Variants in NDUFAF2 observed in about 807,000 individuals in gnomAD.
NDUFAF2 encodes NADH:ubiquinone oxidoreductase complex assembly factor 2.
NDUFAF2 carries 13 observed loss-of-function variants against 22.8 expected under a neutral mutation model. That is an observed-to-expected ratio of 0.57 (90% confidence interval 0.37 to 0.91). The LOEUF (loss-of-function observed/expected upper bound fraction) is 0.91. Among genes scored for constraint, NDUFAF2 ranks in the 40% least tolerant of loss-of-function variants. NDUFAF2 has a pLI of 0.01. For missense variants in NDUFAF2, 162 were observed against 195.2 expected (o/e 0.83, Z 1.01); for synonymous variants, 53 against 64.2 (o/e 0.83, Z 0.84).
At chr5:60,961,245 A>C (rs1465847283) in intron 1 of NDUFAF2, among the ~76,000 whole-genome samples, 3 of 150,042 alleles carry the variant, frequency 2.0e-5, no homozygotes, top group African/African-American at 4.9e-5. Flanking sequence ...GCATCACCTG[A>C]GGTCAGGAGT....
chr5:61,141,199 C>T (rs556422943), intron 3 of NDUFAF2, among the ~76,000 whole-genome samples: 6 of 150,244 alleles, frequency 4.0e-5, no homozygotes, highest in South Asian at 2.1e-4. Context: ...TGCACTCCAG[C>T]CTGGGCAAAA....
At chr5:61,044,475 T>G (rs1167225337) in intron 1 of NDUFAF2, among the ~76,000 whole-genome samples, 1 of 152,170 alleles carries the variant, frequency 6.6e-6, no homozygotes, top group Non-Finnish European at 1.5e-5. Context: ...ATTTTTACCA[T>G]TTAGGTCTTA....
intron 1 of NDUFAF2, among the ~76,000 whole-genome samples, chr5:60,984,364 C>T (rs906569596): frequency 1.3e-5 from 2 of 152,080 alleles, no homozygotes; most frequent in Admixed American, 1.3e-4. Flanking sequence ...TTGACTTCCT[C>T]TTTTCCTAAT....
chr5:60,962,909 A>C (rs952517095), intron 1 of NDUFAF2, among the ~76,000 whole-genome samples: 5 of 151,932 alleles, frequency 3.3e-5, no homozygotes, highest in African/African-American at 1.2e-4. Context: ...TTTTTGAGAC[A>C]GAGTCCTGCT....
At chr5:61,120,842 G>A (rs1035437406) in intron 3 of NDUFAF2, among the ~76,000 whole-genome samples, 2 of 152,028 alleles carry the variant, frequency 1.3e-5, no homozygotes, top group African/African-American at 4.8e-5. Context: ...GTGTTTTTTG[G>A]TTTATTTTTT....
At chr5:61,092,200 G>C (rs1752576990) in intron 2 of NDUFAF2, among the ~76,000 whole-genome samples, 1 of 152,000 alleles carries the variant, frequency 6.6e-6, no homozygotes, top group Admixed American at 6.6e-5. Flanking sequence ...GGCTATTCAG[G>C]CTCTTTTTTG....
chr5:61,027,694 A>T (rs577709788), intron 1 of NDUFAF2, among the ~76,000 whole-genome samples: 36 of 151,914 alleles, frequency 2.4e-4, no homozygotes, highest in Admixed American at 4.6e-4. Flanking sequence ...CCCACTTGAG[A>T]ATTTGCTATT....
intron 3 of NDUFAF2, among the ~76,000 whole-genome samples, chr5:61,151,727 G>A (rs374977321): frequency 4.0e-5 from 6 of 151,696 alleles, no homozygotes; most frequent in African/African-American, 9.7e-5. Context: ...GCGGTGAGCC[G>A]AGGTTGCGGT....
chr5:61,022,856 G>A (rs1172995362), intron 1 of NDUFAF2, among the ~76,000 whole-genome samples: 4 of 152,158 alleles, frequency 2.6e-5, no homozygotes, highest in Admixed American at 2.6e-4. Flanking sequence ...TGTTGGCCAG[G>A]CTGGTCTTGA....
intron 3 of NDUFAF2, among the ~76,000 whole-genome samples, chr5:61,102,291 A>G (rs1375088931): frequency 6.6e-6 from 1 of 152,192 alleles, no homozygotes. Flanking sequence ...CTTTAAAACT[A>G]TAGTTATCTA....
chr5:61,049,884 T>TACACAC (rs1391006523), intron 1 of NDUFAF2, among the ~76,000 whole-genome samples: 2 of 69,400 alleles, frequency 2.9e-5, no homozygotes, highest in East Asian at 5.6e-4. Context: ...CAATTTAAAT[T>TACACAC]ATACACACAC....
intron 3 of NDUFAF2, among the ~76,000 whole-genome samples, chr5:61,126,852 T>C (rs1008796951): frequency 6.6e-6 from 1 of 152,080 alleles, no homozygotes; most frequent in African/African-American, 2.4e-5. Flanking sequence ...ATCCAGGAGC[T>C]GGTTTTTTGA....
chr5:60,982,807 C>T (rs1463569599), intron 1 of NDUFAF2, among the ~76,000 whole-genome samples: 2 of 151,832 alleles, frequency 1.3e-5, no homozygotes, highest in Non-Finnish European at 2.9e-5. Context: ...CATTGTTGGA[C>T]ATTTGGGTTG....
intron 1 of NDUFAF2, among the ~76,000 whole-genome samples, chr5:61,043,681 G>A (rs1017975248): frequency 3.8e-4 from 39 of 102,636 alleles, no homozygotes; most frequent in African/African-American, 1.7e-3. Context: ...CTGTATATAT[G>A]TGTGTGTGTG....
chr5:60,962,163 A>G (rs1190371623), intron 1 of NDUFAF2, among the ~76,000 whole-genome samples: 1 of 149,210 alleles, frequency 6.7e-6, no homozygotes, highest in African/African-American at 2.6e-5. Flanking sequence ...TCACATAGTT[A>G]TCTTGGTTTT....
intron 1 of NDUFAF2, 139 bp from the exon 2 acceptor site, chr5:61,072,985 CA>C (rs1278309558): frequency 1.3e-5 from 8 of 619,160 alleles, no homozygotes; most frequent in Admixed American, 1.1e-4. Flanking sequence ...ATACCTAATT[CA>C]AAATGGAAAT....
At chr5:61,127,545 C>G (rs554784888) in intron 3 of NDUFAF2, among the ~76,000 whole-genome samples, 24 of 152,186 alleles carry the variant, frequency 1.6e-4, no homozygotes, top group Middle Eastern at 3.4e-3. Context: ...ATGATTATCT[C>G]AATAGATGCA....
At chr5:60,980,029 A>G (rs1002828793) in intron 1 of NDUFAF2, among the ~76,000 whole-genome samples, 5 of 152,184 alleles carry the variant, frequency 3.3e-5, no homozygotes, top group African/African-American at 7.2e-5. Flanking sequence ...AATTCTGCAT[A>G]TTACCCAAGA....
At chr5:61,150,012 C>T (rs1313691108) in intron 3 of NDUFAF2, among the ~76,000 whole-genome samples, 4 of 152,184 alleles carry the variant, frequency 2.6e-5, no homozygotes, top group Admixed American at 2.6e-4. Context: ...TCACTGCAAC[C>T]TCCACCTCCC....
Sources: gnomAD v4.1 joint callset for allele counts (sites outside exome capture counted in the v4.1 genomes callset) on GRCh38, gnomAD v4.1.1 for gene constraint, MANE v1.5 for transcripts, NCBI Gene and HGNC (gene_info 2026-07-23, HGNC 2026-07-21) for gene names.